RPAP2: variants seen among roughly 807,000 people sequenced by gnomAD.
RPAP2 encodes the protein RNA polymerase II associated protein 2, also known as putative RNA polymerase II subunit B1 CTD phosphatase RPAP2.
In RPAP2, 52 loss-of-function variants were observed where a neutral mutation model predicts 73.1. That is an observed-to-expected ratio of 0.71 (90% CI 0.57 to 0.90). The LOEUF (loss-of-function observed/expected upper bound fraction) is 0.90, where lower values mean the gene tolerates loss of function less well. Among genes scored for constraint, RPAP2 ranks in the 40% least tolerant of loss-of-function variants. RPAP2 has a pLI of 0.00. For missense variants in RPAP2, 598 were observed against 701.8 expected (o/e 0.85, Z 1.67); for synonymous variants, 225 against 242.1 (o/e 0.93, Z 0.65).
rs149119227 is a variant in RPAP2 at position 92,305,469 on chromosome 1, T to C, written c.399+1120T>C. 2.4e-3 allele frequency among the ~76,000 whole-genome samples: 248 copies of C among 102,266 alleles called. 8 individuals are homozygous for C. In the East Asian group the frequency reaches 0.07, roughly 29 times the overall value. The allele number at this position is 102,266 out of a possible 152,430, so 67.1% of individuals were successfully genotyped here. ...AAAAAAAAGACAATATGGGAAGATA[T>C]AAACTTGGGGTAGAGAGACTTCATA... On this transcript the variant is annotated intron_variant, in intron 5 of 12. Transcript: ENST00000610020.
chr1:92,324,538 G>T (rs878953182), intron 8 of RPAP2, among the ~76,000 whole-genome samples, 163 bp downstream of exon 8: 2 of 152,124 alleles, frequency 1.3e-5, no homozygotes, highest in South Asian at 4.1e-4. Flanking sequence ...TCCACTGTTG[G>T]CATTACTATT....
chr1:92,379,240 T>G (rs1352468716), intron 11 of RPAP2, among the ~76,000 whole-genome samples: 1 of 152,246 alleles, frequency 6.6e-6, no homozygotes, highest in African/African-American at 2.4e-5. Flanking sequence ...TTATTTTATT[T>G]TTATTAAATA....
chr1:92,319,650 C>G (rs1033272357), intron 6 of RPAP2, among the ~76,000 whole-genome samples: 1 of 152,148 alleles, frequency 6.6e-6, no homozygotes, highest in Non-Finnish European at 1.5e-5. Context: ...TATAAACAGT[C>G]TCTGCCTTTA....
chr1:92,323,741 TA>T lies in RPAP2; in HGVS notation c.822del (p.Gly275AlafsTer5). The T allele has an allele frequency of 1.2e-6, 2 of 1,614,132 alleles. No individual in the cohort carries two copies. Among genetic ancestry groups the T allele is most frequent in the Non-Finnish European group, 1.7e-6 (2 of 1,180,006 alleles). On this transcript the variant is annotated frameshift_variant, in exon 8 of 13. Coordinates refer to ENST00000610020, the MANE Select transcript of RPAP2 (RefSeq NM_024813.3). LOFTEE classifies it high-confidence loss of function. ...EQTVVDVTEQ[L>X]GDCKLDSQEK... ...ACAGTAGTAGATGTCACTGAGCAGTTAGGCGATTGCAAATTAGATAGTCAGG... is the reference window on the plus strand; with the variant it reads ...ACAGTAGTAGATGTCACTGAGCAGTTGGCGATTGCAAATTAGATAGTCAGG...
chr1:92,331,154 T>A (rs1652939534), intron 8 of RPAP2, among the ~76,000 whole-genome samples: 1 of 152,240 alleles, frequency 6.6e-6, no homozygotes, highest in Non-Finnish European at 1.5e-5. Flanking sequence ...AATGTAAAAT[T>A]GTTATGTCTT....
chr1:92,361,773 C>CT (rs1178819639), intron 11 of RPAP2, among the ~76,000 whole-genome samples: 1 of 152,126 alleles, frequency 6.6e-6, no homozygotes, highest in African/African-American at 2.4e-5. Context: ...TTAGTAAACA[C>CT]TTTAACTTTT....
chr1:92,322,597 G>A (rs115965797), intron 7 of RPAP2, among the ~76,000 whole-genome samples: 2,153 of 151,470 alleles, frequency 0.014, 49 homozygotes, highest in African/African-American at 0.048. Flanking sequence ...AAGCTCAGCC[G>A]GGCACGGTGG....
chr1:92,304,136 T>C (rs1571017315), intron 4 of RPAP2, 61 bp downstream of exon 4: 1 of 1,338,168 alleles, frequency 7.5e-7, no homozygotes, highest in Non-Finnish European at 1.1e-6. Flanking sequence ...CAAAATACTT[T>C]GTTGTAAGAA....
chr1:92,304,575 C>T (rs1021196387), intron 5 of RPAP2, among the ~76,000 whole-genome samples: 2 of 152,056 alleles, frequency 1.3e-5, no homozygotes, highest in African/African-American at 4.8e-5. Context: ...AAGACTTGAA[C>T]ATTTAAAAGT....
At chr1:92,338,648 ATT>A (rs11455274) in intron 10 of RPAP2, among the ~76,000 whole-genome samples, 260 of 142,646 alleles carry the variant, frequency 1.8e-3, no homozygotes, top group Admixed American at 1.9e-3. Flanking sequence ...CTGATCATTG[ATT>A]TTTTTTTTTT....
intron 11 of RPAP2, among the ~76,000 whole-genome samples, chr1:92,352,545 A>G (rs1233526857): frequency 6.6e-6 from 1 of 152,208 alleles, no homozygotes; most frequent in Non-Finnish European, 1.5e-5. Flanking sequence ...TTTATTGGTT[A>G]CAAGTATTCC....
intron 11 of RPAP2, among the ~76,000 whole-genome samples, chr1:92,377,329 G>A (rs1334935536): frequency 1.3e-5 from 2 of 151,906 alleles, no homozygotes; most frequent in African/African-American, 2.4e-5. Flanking sequence ...GACCATCCTG[G>A]CCAACATGAT....
At chr1:92,361,748 T>C (rs1654745502) in intron 11 of RPAP2, among the ~76,000 whole-genome samples, 1 of 152,222 alleles carries the variant, frequency 6.6e-6, no homozygotes, top group Admixed American at 6.5e-5. Context: ...ATCTTTTAAT[T>C]CATTAGTTAT....
At chr1:92,319,068 TGTAGA>T (rs1052367580) in intron 6 of RPAP2, among the ~76,000 whole-genome samples, 7 of 152,168 alleles carry the variant, frequency 4.6e-5, no homozygotes, top group African/African-American at 1.4e-4. Flanking sequence ...GGGAGAGGTT[TGTAGA>T]GTAAATACCC....
intron 11 of RPAP2, among the ~76,000 whole-genome samples, chr1:92,354,080 A>G (rs1459848888): frequency 6.6e-6 from 1 of 152,164 alleles, no homozygotes; most frequent in Non-Finnish European, 1.5e-5. Context: ...CCCAAGCAGC[A>G]GCAGTGGTGG....
chr1:92,343,886 A>G (rs1240028778), intron 10 of RPAP2, among the ~76,000 whole-genome samples: 2 of 152,200 alleles, frequency 1.3e-5, no homozygotes, highest in African/African-American at 4.8e-5. Context: ...CAAAGATGAC[A>G]TAAGGAAACT....
At chr1:92,308,899 G>T (rs1651404492) in intron 6 of RPAP2, among the ~76,000 whole-genome samples, 1 of 152,108 alleles carries the variant, frequency 6.6e-6, no homozygotes, top group Admixed American at 6.6e-5. Flanking sequence ...GGCGGAGGTT[G>T]CAGTGAGCCA....
chr1:92,391,817 C>T lies in RPAP2; in HGVS notation c.*4806C>T, dbSNP rs912240444. ...ATAAATTCCTCGACACATACACCCTCCCAAGACTAAACCAGGAAGAAGTTG... is the reference window on the plus strand; with the variant it reads ...ATAAATTCCTCGACACATACACCCTTCCAAGACTAAACCAGGAAGAAGTTG... On this transcript the variant is annotated 3_prime_UTR_variant, in exon 13 of 13. Coordinates refer to ENST00000610020, the MANE Select transcript of RPAP2 (RefSeq NM_024813.3). 9 of 152,298 alleles carry T rather than the reference C, an allele frequency of 5.9e-5. No homozygotes were observed. The highest frequency in any genetic ancestry group is 1.5e-5 in the Non-Finnish European group (1 of 68,030). The allele number at this position is 152,298 out of a possible 1,614,324, so 9.4% of individuals were successfully genotyped here.
chr1:92,362,023 C>G (rs1465841011), intron 11 of RPAP2, among the ~76,000 whole-genome samples: 1 of 152,168 alleles, frequency 6.6e-6, no homozygotes, highest in Non-Finnish European at 1.5e-5. Flanking sequence ...AAGCATTTAT[C>G]AAATATTAAT....
Sources: allele counts gnomAD v4.1 joint callset (sites outside exome capture counted in the v4.1 genomes callset), GRCh38; gene constraint gnomAD v4.1.1; transcripts MANE v1.5; gene names NCBI Gene and HGNC (gene_info 2026-07-23, HGNC 2026-07-21).